The following UBE3C variants were observed in gnomAD, a reference collection of about 807,000 sequenced individuals.
UBE3C encodes the protein ubiquitin protein ligase E3C.
In UBE3C, 42 loss-of-function variants were observed where a neutral mutation model predicts 129.4. The ratio of observed to expected loss-of-function variants is 0.32; its 90% CI spans 0.25 to 0.42. UBE3C has a LOEUF of 0.42. Ranked by LOEUF, UBE3C falls within the 10% of genes least tolerant of loss-of-function variation. UBE3C has a pLI of 1.00. For missense variants in UBE3C, 1,049 were observed against 1,319.1 expected, an observed-to-expected ratio of 0.80 and a Z score of 3.17; for synonymous variants, 510 against 492.4, an observed-to-expected ratio of 1.04 and a Z score of -0.47.
chr7:157,258,172 C>T (rs747936286), intron 22 of UBE3C, among the ~76,000 whole-genome samples: 18 of 151,970 alleles, frequency 1.2e-4, no homozygotes, highest in Non-Finnish European at 2.4e-4. Flanking sequence ...GCCTCCAACT[C>T]CTGGGCCCAA....
At chr7:157,164,487 A>G (rs755121759) in intron 2 of UBE3C, 4 of 456,652 alleles carry the variant, frequency 8.8e-6, no homozygotes, top group East Asian at 6.9e-5. Context: ...GCATAAGGAG[A>G]AAGCTCACTG....
intron 18 of UBE3C, among the ~76,000 whole-genome samples, chr7:157,240,744 A>C (rs558474506): frequency 1.3e-5 from 2 of 152,264 alleles, no homozygotes; most frequent in South Asian, 2.1e-4. Flanking sequence ...TGTGGAGTCG[A>C]GGTCCTTCAG....
chr7:157,170,253 G>A, intron 3 of UBE3C, 51 bp from the exon 4 acceptor site: 1 of 1,351,464 alleles, frequency 7.4e-7, no homozygotes, highest in Non-Finnish European at 9.6e-7. Flanking sequence ...CATAAGAATT[G>A]TGTGTCCAAA....
chr7:157,139,397 G>C, intron 1 of UBE3C, 59 bp downstream of exon 1: 1 of 1,485,256 alleles, frequency 6.7e-7, no homozygotes, highest in Admixed American at 2.2e-5. Flanking sequence ...GGGGCTCGGG[G>C]CTGGGACTCG....
At chr7:157,160,168 A>G (rs192948225) in intron 1 of UBE3C, among the ~76,000 whole-genome samples, 13 of 151,220 alleles carry the variant, frequency 8.6e-5, no homozygotes, top group Non-Finnish European at 1.8e-4. Context: ...TCTGCCTCCC[A>G]GGTTCAAGTG....
intron 10 of UBE3C, among the ~76,000 whole-genome samples, chr7:157,200,314 AGTT>A (rs917922483): frequency 7.9e-5 from 12 of 151,922 alleles, no homozygotes; most frequent in African/African-American, 1.7e-4. Context: ...AATGGAGTTT[AGTT>A]GTTGTTTATT....
chr7:157,224,689 GC>G (rs140762071), intron 16 of UBE3C, among the ~76,000 whole-genome samples: 4,362 of 151,580 alleles, frequency 0.029, 235 homozygotes, highest in African/African-American at 0.1. Context: ...TATTTTTTAG[GC>G]CTATACACTC....
rs1486356833 is a variant in UBE3C at position 157,171,680 on chromosome 7, ATATATATTTTTTTTTTTTTTTT to A, written c.342+1232_342+1253del. Among the ~76,000 whole-genome samples the A allele has an allele frequency of 7.3e-3, 238 of 32,808 alleles. 6 individuals carry two copies. In the South Asian group the frequency reaches 0.077, roughly 11 times the overall value. 21.5% of individuals were successfully genotyped at this position (32,808 alleles called of 152,430 possible). A position where few individuals can be genotyped will look rare whatever the true frequency, so the allele number is the denominator to read the frequency against. On this transcript the variant is annotated intron_variant, in intron 4 of 22. Coordinates refer to ENST00000348165, the MANE Select transcript of UBE3C (RefSeq NM_014671.3). ...ATATTTTATATATATATATATATAT[ATATATATTTTTTTTTTTTTTTT>A]TTTTTTTTTTTTTTTTTTTTTTGAG...
chr7:157,158,063 T>C (rs13231805), intron 1 of UBE3C, among the ~76,000 whole-genome samples: 1 of 148,314 alleles, frequency 6.7e-6, no homozygotes, highest in Non-Finnish European at 1.5e-5. Context: ...TTTTTTTTTT[T>C]TTTTTTTTTC....
At chr7:157,225,666 A>G in intron 17 of UBE3C, 127 bp downstream of exon 17, 2 of 1,131,216 alleles carry the variant, frequency 1.8e-6, no homozygotes, top group Non-Finnish European at 2.4e-6. Flanking sequence ...CTGAAATGTG[A>G]GGCTGGGCAT....
intron 14 of UBE3C, among the ~76,000 whole-genome samples, chr7:157,220,182 G>A (rs560660305): frequency 6.6e-6 from 1 of 152,262 alleles, no homozygotes; most frequent in South Asian, 2.1e-4. Context: ...CTGCATTCCA[G>A]CCTGGGTGAC....
chr7:157,265,594 T>C (rs922102783), intron 22 of UBE3C, among the ~76,000 whole-genome samples: 1 of 152,168 alleles, frequency 6.6e-6, no homozygotes, highest in African/African-American at 2.4e-5. Flanking sequence ...GTGCCGCGCG[T>C]GTGCATGGAA....
At chr7:157,168,343 A>G (rs527242166) in intron 2 of UBE3C, among the ~76,000 whole-genome samples, 1 of 152,166 alleles carries the variant, frequency 6.6e-6, no homozygotes, top group East Asian at 1.9e-4. Context: ...TCAAAAAAAA[A>G]AAAAAAAAGG....
chr7:157,177,388 C>G (rs541072798), intron 5 of UBE3C, among the ~76,000 whole-genome samples: 3 of 152,328 alleles, frequency 2.0e-5, no homozygotes, highest in African/African-American at 7.2e-5. Context: ...CCAAGGCTGT[C>G]CCGATAAACC....
At chr7:157,154,524 G>T (rs1253442824) in intron 1 of UBE3C, among the ~76,000 whole-genome samples, 2 of 151,848 alleles carry the variant, frequency 1.3e-5, no homozygotes, top group African/African-American at 4.8e-5. Flanking sequence ...ATTCCATATC[G>T]GCATCTTTAT....
rs557460908 is a variant in UBE3C at position 157,178,270 on chromosome 7, G to T, written c.459-420G>T. ...AAATATATCATTGTTCTATTTGGGG[G>T]ATATTGCAGGCGTGGAAAGTCTCAA... On this transcript the variant is annotated intron_variant, in intron 5 of 22. Transcript: ENST00000348165. 3.3e-5 allele frequency among the ~76,000 whole-genome samples: 5 copies of T among 152,278 alleles called. No individual in the cohort carries two copies. In the East Asian group the frequency reaches 9.6e-4, roughly 29 times the overall value.
chr7:157,195,952 G>A (rs1272958703), intron 10 of UBE3C, among the ~76,000 whole-genome samples: 1 of 152,186 alleles, frequency 6.6e-6, no homozygotes, highest in East Asian at 1.9e-4. Flanking sequence ...AAACCTGTAT[G>A]TAACCTTAAA....
At chr7:157,196,410 G>T (rs548902911) in intron 10 of UBE3C, among the ~76,000 whole-genome samples, 1 of 152,280 alleles carries the variant, frequency 6.6e-6, no homozygotes, top group African/African-American at 2.4e-5. Flanking sequence ...GAAACCTTCT[G>T]ACTTCAGAAA....
intron 1 of UBE3C, among the ~76,000 whole-genome samples, chr7:157,145,938 G>GT (rs893600902): frequency 1.3e-5 from 2 of 152,010 alleles, no homozygotes; most frequent in African/African-American, 2.4e-5. Flanking sequence ...GCTCACCAGT[G>GT]TTTTTTTCAT....
Sources: gnomAD v4.1 joint callset for allele counts (sites outside exome capture counted in the v4.1 genomes callset) on GRCh38, gnomAD v4.1.1 for gene constraint, MANE v1.5 for transcripts, NCBI Gene and HGNC (gene_info 2026-07-23, HGNC 2026-07-21) for gene names.